Variants in LRBA observed in about 807,000 individuals in gnomAD.
LRBA encodes the protein LPS responsive beige-like anchor protein.
A neutral mutation model predicts 330.0 loss-of-function variants in LRBA; 176 were observed. That is an observed-to-expected ratio of 0.53 (90% CI 0.47 to 0.60). The LOEUF is 0.60. Among genes scored for constraint, LRBA ranks in the 20% least tolerant of loss-of-function variants. The pLI, the probability that LRBA is intolerant of heterozygous loss-of-function variation, is 0.00. For synonymous variants in LRBA, 1,230 were observed against 1,193.0 expected (o/e 1.03, Z -0.64); for missense variants, 3,259 against 3,444.8 (o/e 0.95, Z 1.35).
intron 30 of LRBA, 52 bp from the exon 31 acceptor site, chr4:150,817,309 T>A: frequency 6.6e-7 from 1 of 1,518,140 alleles, no homozygotes; most frequent in Non-Finnish European, 9.1e-7. Context: ...TCTCTTGAAT[T>A]AATTACATGA....
At chr4:150,643,416 A>G (rs1246182907) in intron 37 of LRBA, among the ~76,000 whole-genome samples, 1 of 152,016 alleles carries the variant, frequency 6.6e-6, no homozygotes, top group East Asian at 1.9e-4. Flanking sequence ...ATAGATGATA[A>G]GAAAAGGCTG....
intron 40 of LRBA, among the ~76,000 whole-genome samples, chr4:150,561,200 C>T (rs1045279830): frequency 2.5e-4 from 38 of 151,992 alleles, no homozygotes; most frequent in African/African-American, 8.9e-4. Flanking sequence ...TATGACAAAA[C>T]TGTGTTATTC....
chr4:151,015,703 G>C (rs1041901661), upstream of LRBA: 1 of 151,948 alleles, frequency 6.6e-6, no homozygotes. Flanking sequence ...AGCTGCTCCC[G>C]GCCGCCATGA....
Position 150,409,940 on chromosome 4 carries a change from G to C in LRBA, c.7194+5498C>G, listed in dbSNP as rs189615804. ...GTAAAGAGGATGAAGACATGAGAGG[G>C]AGATACCCTCAGCTAACAATAATTA... On this transcript the variant is annotated intron_variant, in intron 47 of 56. Coordinates refer to ENST00000651943, the MANE Select transcript of LRBA (RefSeq NM_001364905.1). Among the ~76,000 whole-genome samples, 118 of 152,174 alleles carry C rather than the reference G, an allele frequency of 7.8e-4. 1 individual carries two copies. Among genetic ancestry groups the C allele is most frequent in the African/African-American group, 2.8e-3 (116 of 41,540 alleles).
chr4:151,012,808 C>CTTTTT (rs34281634), intron 2 of LRBA: 3 of 124,568 alleles, frequency 2.4e-5, no homozygotes, highest in Non-Finnish European at 3.3e-5. Context: ...AAGTGAATTT[C>CTTTTT]TTTTTTTTTT....
At chr4:150,846,677 A>G (rs72961863) in intron 26 of LRBA, among the ~76,000 whole-genome samples, 5,107 of 152,214 alleles carry the variant, frequency 0.034, 244 homozygotes, top group African/African-American at 0.11. Flanking sequence ...CCACTAAGCA[A>G]TCCATGTATG....
At chr4:150,806,180 A>G (rs1434341136) in intron 33 of LRBA, 91 bp downstream of exon 33, 5 of 996,794 alleles carry the variant, frequency 5.0e-6, no homozygotes, top group Non-Finnish European at 7.1e-6. Flanking sequence ...CAACACTTAA[A>G]CAATGAAACT....
chr4:150,906,256 G>C (rs533267706), intron 12 of LRBA, 41 bp downstream of exon 12: 1 of 1,293,092 alleles, frequency 7.7e-7, no homozygotes, highest in East Asian at 2.3e-5. Flanking sequence ...TGTATGGCCT[G>C]TAAATTAAGA....
chr4:150,516,240 TTTTG>T (rs1762347928), intron 40 of LRBA, among the ~76,000 whole-genome samples: 1 of 139,328 alleles, frequency 7.2e-6, no homozygotes, highest in African/African-American at 2.6e-5. Context: ...TTTTTTTTTT[TTTTG>T]CTAAGTACCT....
chr4:150,333,365 A>G (rs1296068492), intron 48 of LRBA, among the ~76,000 whole-genome samples: 1 of 152,080 alleles, frequency 6.6e-6, no homozygotes, highest in Non-Finnish European at 1.5e-5. Flanking sequence ...ATCTGAACGC[A>G]CTATAAAATT....
chr4:150,288,334 G>A (rs552081367), intron 53 of LRBA, among the ~76,000 whole-genome samples: 1 of 151,822 alleles, frequency 6.6e-6, no homozygotes, highest in Admixed American at 6.5e-5. Context: ...TTGGCCGGGC[G>A]CAATGGCTCA....
intron 37 of LRBA, among the ~76,000 whole-genome samples, chr4:150,600,920 T>C (rs1474573954): frequency 1.3e-5 from 2 of 152,178 alleles, no homozygotes; most frequent in African/African-American, 2.4e-5. Context: ...CATTTATCTG[T>C]TAAAATTATT....
intron 37 of LRBA, among the ~76,000 whole-genome samples, chr4:150,648,157 G>GAAAAAAAAAAAAAAAAAAAAAAA (rs1561468268): frequency 1.9e-4 from 1 of 5,238 alleles, no homozygotes; most frequent in Non-Finnish European, 2.4e-3. Flanking sequence ...AACACAAGTA[G>GAAAAAAAAAAAAAAAAAAAAAAA]CAAAAAAAAA....
At chr4:150,438,849 A>G (rs1207826794) in intron 44 of LRBA, among the ~76,000 whole-genome samples, 1 of 152,154 alleles carries the variant, frequency 6.6e-6, no homozygotes, top group Non-Finnish European at 1.5e-5. Flanking sequence ...GGTTTTAATG[A>G]ATATTATTGT....
chr4:150,423,130 C>T, intron 46 of LRBA: 1 of 925,490 alleles, frequency 1.1e-6, no homozygotes, highest in Non-Finnish European at 1.8e-6. Context: ...CAGGAAGCTA[C>T]CACCACCAAA....
At chr4:150,928,733 T>C in intron 3 of LRBA, 101 bp downstream of exon 3, 2 of 1,270,342 alleles carry the variant, frequency 1.6e-6, no homozygotes, top group Non-Finnish European at 2.2e-6. Context: ...TGCTACATGC[T>C]CAAATATTTC....
chr4:150,979,988 A>C (rs182243094), intron 2 of LRBA, among the ~76,000 whole-genome samples: 4 of 152,330 alleles, frequency 2.6e-5, no homozygotes, highest in Admixed American at 2.6e-4. Context: ...TATTACCCTG[A>C]TACCAAAAGA....
chr4:150,762,385 TG>T (rs962290131), intron 34 of LRBA, among the ~76,000 whole-genome samples: 4 of 151,862 alleles, frequency 2.6e-5, no homozygotes, highest in African/African-American at 9.7e-5. Context: ...TAGTAATATC[TG>T]GTATAAATCT....
At chr4:150,786,242 C>T (rs1054884020) in intron 34 of LRBA, among the ~76,000 whole-genome samples, 3 of 149,102 alleles carry the variant, frequency 2.0e-5, no homozygotes, top group East Asian at 2.0e-4. Flanking sequence ...AAGACTTTTG[C>T]ATTTTGCATT....
Sources: allele counts gnomAD v4.1 joint callset (sites outside exome capture counted in the v4.1 genomes callset), GRCh38; gene constraint gnomAD v4.1.1; transcripts MANE v1.5; gene names NCBI Gene and HGNC (gene_info 2026-07-23, HGNC 2026-07-21).